Variants in WWP2 observed in about 807,000 individuals in gnomAD.
WWP2 encodes the protein NEDD4-like E3 ubiquitin-protein ligase WWP2.
WWP2 carries 57 observed loss-of-function variants against 121.0 expected under a neutral mutation model. That is an observed-to-expected ratio of 0.47 (90% CI 0.38 to 0.59). WWP2 has a LOEUF of 0.59. Among genes scored for constraint, WWP2 ranks in the 20% least tolerant of loss-of-function variants. The probability of loss-of-function intolerance (pLI) is 0.00; values close to 1 mark genes in which losing one functional copy is unlikely to be tolerated. For missense variants in WWP2, 962 were observed against 1,158.9 expected (o/e 0.83, Z 2.47); for synonymous variants, 449 against 441.3 (o/e 1.02, Z -0.22).
At chr16:69,868,706 CAGATATACACACAT>C (rs1370554028) in intron 6 of WWP2, among the ~76,000 whole-genome samples, 1 of 152,088 alleles carries the variant, frequency 6.6e-6, no homozygotes, top group Non-Finnish European at 1.5e-5. Context: ...CATACACACA[CAGATATACACACAT>C]ACACACACAC....
intron 7 of WWP2, among the ~76,000 whole-genome samples, chr16:69,885,092 A>G (rs13335499): frequency 0.023 from 3,248 of 138,944 alleles, 97 homozygotes; most frequent in African/African-American, 0.073. Flanking sequence ...ACTCTTTTAC[A>G]AACTCCTCCT....
At chr16:69,802,194 C>G (rs992615096) in intron 4 of WWP2, among the ~76,000 whole-genome samples, 1 of 152,112 alleles carries the variant, frequency 6.6e-6, no homozygotes, top group Non-Finnish European at 1.5e-5. Context: ...TCCCAAAGTG[C>G]TGGATTACAG....
intron 17 of WWP2, among the ~76,000 whole-genome samples, chr16:69,934,692 TAA>T (rs1016204342): frequency 6.7e-6 from 1 of 149,540 alleles, no homozygotes; most frequent in African/African-American, 2.5e-5. Flanking sequence ...GAACAAAACG[TAA>T]AGTCTGTGGC....
At chr16:69,784,629 T>C (rs2055742489) in intron 1 of WWP2, among the ~76,000 whole-genome samples, 1 of 152,156 alleles carries the variant, frequency 6.6e-6, no homozygotes, top group African/African-American at 2.4e-5. Flanking sequence ...TTTTATGAAG[T>C]CTTGACTCCT....
intron 1 of WWP2, among the ~76,000 whole-genome samples, chr16:69,770,353 T>A (rs2055388925): frequency 6.6e-6 from 1 of 152,102 alleles, no homozygotes; most frequent in African/African-American, 2.4e-5. Flanking sequence ...ACTTAATTGA[T>A]CATGCCTGCG....
chr16:69,839,959 A>G (rs758740519), intron 4 of WWP2, among the ~76,000 whole-genome samples, 167 bp from the exon 5 acceptor site: 2 of 152,228 alleles, frequency 1.3e-5, no homozygotes, highest in East Asian at 3.8e-4. Context: ...TTCATTAGAC[A>G]TATTCCTTCC....
intron 16 of WWP2, among the ~76,000 whole-genome samples, chr16:69,932,145 C>T (rs1449577378): frequency 6.6e-6 from 1 of 152,200 alleles, no homozygotes; most frequent in African/African-American, 2.4e-5. Flanking sequence ...GCCTGACCAA[C>T]ATGGAGAAAC....
At position 69,912,918 on chromosome 16, in the gene WWP2, CAAAACAAAAAAAAAAAAAAAAAAAAAA is replaced by C. The variant is rs1478215892; in HGVS notation, c.1004+4073_1004+4099del. Among the ~76,000 whole-genome samples, 158 of 31,808 alleles carry C rather than the reference CAAAACAAAAAAAAAAAAAAAAAAAAAA, an allele frequency of 5.0e-3. 16 individuals carry two copies. Among genetic ancestry groups the C allele is most frequent in the African/African-American group, 0.017 (140 of 8,168 alleles). The allele number at this position is 31,808 out of a possible 152,430, so 20.9% of individuals were successfully genotyped here. On this transcript the variant is annotated intron_variant, in intron 9 of 23. Coordinates refer to ENST00000359154, the MANE Select transcript of WWP2 (RefSeq NM_001270454.2). ...GCAACATATGGAGAACCAGTCTCTA[CAAAACAAAAAAAAAAAAAAAAAAAAAA>C]AAAAAAAAAAATATATATATATATA...
intron 8 of WWP2, among the ~76,000 whole-genome samples, chr16:69,896,037 A>G (rs2058099877): frequency 6.6e-6 from 1 of 152,152 alleles, no homozygotes; most frequent in African/African-American, 2.4e-5. Flanking sequence ...CAAAGATTCT[A>G]CTGTTGTCGG....
chr16:69,873,834 C>T (rs1261324312), intron 7 of WWP2, among the ~76,000 whole-genome samples: 3 of 152,298 alleles, frequency 2.0e-5, no homozygotes, highest in Admixed American at 6.5e-5. Flanking sequence ...TCTGCTTTTC[C>T]TATAAAAACT....
chr16:69,860,256 G>A (rs2057392195), intron 6 of WWP2, among the ~76,000 whole-genome samples: 1 of 152,162 alleles, frequency 6.6e-6, no homozygotes, highest in Non-Finnish European at 1.5e-5. Context: ...GCAAAGTACT[G>A]GAGGTTACAG....
intron 11 of WWP2, among the ~76,000 whole-genome samples, chr16:69,927,639 C>T (rs544586306): frequency 6.6e-6 from 1 of 152,362 alleles, no homozygotes; most frequent in Non-Finnish European, 1.5e-5. Context: ...TGTGGTTAGC[C>T]TTGGCTTTGG....
chr16:69,924,792 G>T (rs2058615106), intron 10 of WWP2, among the ~76,000 whole-genome samples: 2 of 150,866 alleles, frequency 1.3e-5, no homozygotes, highest in South Asian at 2.1e-4. Flanking sequence ...TTTGTAAAGG[G>T]GAAGGAAAAC....
chr16:69,876,819 T>C (rs1255284547), intron 7 of WWP2, among the ~76,000 whole-genome samples: 1 of 152,196 alleles, frequency 6.6e-6, no homozygotes, highest in Non-Finnish European at 1.5e-5. Flanking sequence ...GCATTATCCA[T>C]GAGCAGTAAT....
intron 4 of WWP2, among the ~76,000 whole-genome samples, chr16:69,837,394 T>A (rs2056896063): frequency 6.6e-6 from 1 of 152,206 alleles, no homozygotes; most frequent in Non-Finnish European, 1.5e-5. Context: ...ACAAAATGTG[T>A]CTCAAGGTGT....
At position 69,937,595 on chromosome 16, in the gene WWP2, G is replaced by A. The variant is rs1462886754; in HGVS notation, c.2286G>A (p.Lys762=). 6.2e-7 allele frequency: 1 copy of A among 1,613,990 alleles called. No individual in the cohort carries two copies. Among genetic ancestry groups the A allele is most frequent in the South Asian group, 1.1e-5 (1 of 91,032 alleles). ...AGATAGACATGAGCGACTGGCAGAAGAGCACCATCTACCGGCACTACACCA... is the reference window on the plus strand; with the variant it reads ...AGATAGACATGAGCGACTGGCAGAAAAGCACCATCTACCGGCACTACACCA... The part of the protein sequence containing the change: ...MQEIDMSDWQ[K]STIYRHYTKN... The change falls in exon 21 of 24, where the codon AAG becomes AAA. Residue 762 remains lysine (K), a synonymous_variant. Transcript: ENST00000359154. This position sits in a 1 kb window ranked among gnomAD's most constrained non-coding sequence, Gnocchi z 6.6.
chr16:69,923,833 T>A (rs2058599356), intron 10 of WWP2, among the ~76,000 whole-genome samples: 1 of 152,204 alleles, frequency 6.6e-6, no homozygotes, highest in Non-Finnish European at 1.5e-5. Context: ...TGCCGAATGT[T>A]TTTAATGTGT....
chr16:69,844,281 A>C (rs1170744584), intron 6 of WWP2, among the ~76,000 whole-genome samples: 1 of 152,182 alleles, frequency 6.6e-6, no homozygotes, highest in African/African-American at 2.4e-5. Context: ...GGGCACCTGG[A>C]ACTGGAGGAA....
Position 69,939,991 on chromosome 16 carries a change from C to T in WWP2, c.*51C>T, listed in dbSNP as rs2058858242. ...CAGCGCACATGTAGTCCTGAGTCCT[C>T]CCTGCCTGAGAGGCCACTGGCCCCG... On this transcript the variant is annotated 3_prime_UTR_variant, in exon 24 of 24. Coordinates refer to ENST00000359154, the MANE Select transcript of WWP2 (RefSeq NM_001270454.2). The T allele has an allele frequency of 6.6e-7, 1 of 1,515,604 alleles. No homozygotes were observed. The highest frequency in any genetic ancestry group is 9.0e-7 in the Non-Finnish European group (1 of 1,108,144). 93.9% of individuals were successfully genotyped at this position (1,515,604 alleles called of 1,614,324 possible).
Sources: allele counts gnomAD v4.1 joint callset (sites outside exome capture counted in the v4.1 genomes callset), GRCh38; gene constraint gnomAD v4.1.1; non-coding constraint Gnocchi (gnomAD v3.1); transcripts MANE v1.5; gene names NCBI Gene and HGNC (gene_info 2026-07-23, HGNC 2026-07-21).